The following ZNF560 variants were observed in gnomAD, a reference collection of about 807,000 sequenced individuals.
The protein encoded by ZNF560 is zinc finger protein 560.
Under a neutral mutation model 81.8 loss-of-function variants are expected in ZNF560, and 54 were observed. The ratio of observed to expected loss-of-function variants is 0.66; its 90% CI spans 0.53 to 0.83. The LOEUF (loss-of-function observed/expected upper bound fraction) is 0.83. ZNF560 is among the 40% of genes least tolerant of loss of function. The pLI is 0.00. For missense variants in ZNF560, 940 were observed against 932.4 expected (o/e 1.01, Z -0.11); for synonymous variants, 321 against 317.9 (o/e 1.01, Z -0.10).
chr19:9,446,088 C>T, the ZNF560 span, among the ~76,000 whole-genome samples: 1 of 152,112 alleles, frequency 6.6e-6, no homozygotes, highest in Non-Finnish European at 1.5e-5. Flanking sequence ...AGGGCTTCTT[C>T]TGGAACTCTC....
At chr19:9,479,584 G>GAGT (rs1434172747) in intron 2 of ZNF560, among the ~76,000 whole-genome samples, 2 of 152,070 alleles carry the variant, frequency 1.3e-5, no homozygotes, top group African/African-American at 4.8e-5. Context: ...CTGAATTCAT[G>GAGT]AGTACCACAT....
At chr19:9,469,509 C>T (rs984229452) in intron 8 of ZNF560, 121 bp downstream of exon 8, 6 of 862,508 alleles carry the variant, frequency 7.0e-6, no homozygotes, top group Non-Finnish European at 1.1e-5. Context: ...TAAGATATCC[C>T]AAAACATCCA....
the ZNF560 span, among the ~76,000 whole-genome samples, chr19:9,454,915 C>A: frequency 6.6e-6 from 1 of 152,016 alleles, no homozygotes; most frequent in South Asian, 2.1e-4. Flanking sequence ...CTTAAAGAGA[C>A]CCAAGAAGGG....
Position 9,473,280 on chromosome 19 carries a change from C to G in ZNF560, c.158-21G>C, listed in dbSNP as rs140515234. 102 of 1,586,248 alleles carry G rather than the reference C, an allele frequency of 6.4e-5. No individual in the cohort carries two copies. In the African/African-American group the frequency reaches 1.2e-3, roughly 19 times the overall value. On this transcript the variant is annotated intron_variant, in intron 4 of 9. Transcript: ENST00000301480. ...AAATCCTTTACATGAAGAAATGATACATTAATGGAAGAGGCTCAGGCCAGG... is the reference window on the plus strand; with the variant it reads ...AAATCCTTTACATGAAGAAATGATAGATTAATGGAAGAGGCTCAGGCCAGG...
rs1470968974 is a variant in ZNF560, at chr19:9,491,805, G to A, written c.-57+6323C>T. Among the ~76,000 whole-genome samples, 9 of 95,336 alleles carry A rather than the reference G, an allele frequency of 9.4e-5. No individual in the cohort carries two copies. The South Asian group carries it at 2.4e-3, about 26-fold the overall frequency. 62.5% of individuals were successfully genotyped at this position (95,336 alleles called of 152,430 possible). ...CCTGCCACTGCACTCCAGCCTGGGCGACAGAGCGAGACTCCGTCTCAAAAA... is the reference window on the plus strand; with the variant it reads ...CCTGCCACTGCACTCCAGCCTGGGCAACAGAGCGAGACTCCGTCTCAAAAA... On this transcript the variant is annotated intron_variant, in intron 2 of 9. Coordinates refer to ENST00000301480, the MANE Select transcript of ZNF560 (RefSeq NM_152476.3).
chr19:9,466,789 C>G lies in ZNF560; in HGVS notation c.2158G>C (p.Ala720Pro), dbSNP rs549580362. The G allele has an allele frequency of 6.2e-6, 10 of 1,614,112 alleles. No individual in the cohort carries two copies. The East Asian group carries it at 2.2e-4, about 36-fold the overall frequency. The change falls in exon 10 of 10, where the codon GCC becomes CCC. Residue 720 changes from alanine to proline, a missense_variant. Coordinates refer to ENST00000301480, the MANE Select transcript of ZNF560 (RefSeq NM_152476.3). Reference protein sequence around the residue: ...KPYKCKDCGKAFTCHSDLTNH... With the variant: ...KPYKCKDCGKPFTCHSDLTNH... Reference sequence around the variant, plus strand: ...GTAAGATCTGAATGACAAGTGAAGGCTTTCCCACAGTCCTTACATTTATAG... The same window carrying G: ...GTAAGATCTGAATGACAAGTGAAGGGTTTCCCACAGTCCTTACATTTATAG...
intron 2 of ZNF560, among the ~76,000 whole-genome samples, chr19:9,496,034 G>A (rs1007206999): frequency 3.3e-5 from 5 of 152,134 alleles, no homozygotes; most frequent in Admixed American, 6.5e-5. Context: ...AAAATTAAAT[G>A]TATATTTGTC....
chr19:9,463,342 A>G, downstream of ZNF560, among the ~76,000 whole-genome samples: 1 of 152,210 alleles, frequency 6.6e-6, no homozygotes, highest in East Asian at 1.9e-4. Flanking sequence ...TTAGTGATAC[A>G]TCACTATTAG....
the ZNF560 span, among the ~76,000 whole-genome samples, chr19:9,450,251 A>G: frequency 1.8e-4 from 27 of 151,382 alleles, no homozygotes; most frequent in Non-Finnish European, 1.2e-4. Context: ...AGATCGCGCT[A>G]TTGCACTCCA....
At chr19:9,481,084 A>C (rs995738805) in intron 2 of ZNF560, among the ~76,000 whole-genome samples, 7,690 of 42,414 alleles carry the variant, frequency 0.18, 391 homozygotes, top group African/African-American at 0.32. Flanking sequence ...GATTATCTGA[A>C]AAAAAAAAAA....
intron 2 of ZNF560, among the ~76,000 whole-genome samples, chr19:9,492,681 G>A (rs566592063): frequency 6.6e-6 from 1 of 152,334 alleles, no homozygotes; most frequent in South Asian, 2.1e-4. Context: ...GGCCAACTGG[G>A]AGACAACCTC....
chr19:9,482,669 G>A (rs1343840267), intron 2 of ZNF560, among the ~76,000 whole-genome samples: 4 of 51,032 alleles, frequency 7.8e-5, no homozygotes, highest in East Asian at 1.1e-3. Context: ...CTCTCCCCAC[G>A]GTCTCCCTCT....
At chr19:9,475,123 T>G (rs1320049132) in intron 3 of ZNF560, among the ~76,000 whole-genome samples, 161 bp downstream of exon 3, 1 of 152,174 alleles carries the variant, frequency 6.6e-6, no homozygotes, top group South Asian at 2.1e-4. Flanking sequence ...ATTATCAGTA[T>G]GAGAACCTCC....
chr19:9,448,237 T>G, the ZNF560 span, among the ~76,000 whole-genome samples: 13 of 151,414 alleles, frequency 8.6e-5, no homozygotes, highest in East Asian at 5.8e-4. Flanking sequence ...GCGGGGGGTT[T>G]GTTTGTTTGT....
chr19:9,506,149 C>T, the ZNF560 span, among the ~76,000 whole-genome samples: 102 of 150,568 alleles, frequency 6.8e-4, no homozygotes, highest in African/African-American at 1.9e-3. Flanking sequence ...CGCACCACCA[C>T]GCCTGGGTGA....
At chr19:9,500,292 G>A (rs971561120), upstream of ZNF560, among the ~76,000 whole-genome samples, 14 of 151,534 alleles carry the variant, frequency 9.2e-5, no homozygotes, top group African/African-American at 3.4e-4. Flanking sequence ...GGCTGAGGCA[G>A]GAGAATCACT....
chr19:9,484,297 A>T (rs2144714131), intron 2 of ZNF560, among the ~76,000 whole-genome samples: 1 of 152,146 alleles, frequency 6.6e-6, no homozygotes, highest in East Asian at 1.9e-4. Context: ...ATTAAAAAAA[A>T]AAAAAAGAAA....
the ZNF560 span, among the ~76,000 whole-genome samples, chr19:9,448,762 T>C: frequency 6.6e-6 from 1 of 152,048 alleles, no homozygotes; most frequent in South Asian, 2.1e-4. Context: ...GCAATCTGGA[T>C]AAAAACGACA....
the ZNF560 span, among the ~76,000 whole-genome samples, chr19:9,446,221 T>C: frequency 6.6e-6 from 1 of 152,078 alleles, no homozygotes; most frequent in African/African-American, 2.4e-5. Flanking sequence ...CGCTGATTTT[T>C]TTTTCCATCT....
Sources: allele counts gnomAD v4.1 joint callset (sites outside exome capture counted in the v4.1 genomes callset), GRCh38; gene constraint gnomAD v4.1.1; transcripts MANE v1.5; gene names NCBI Gene and HGNC (gene_info 2026-07-23, HGNC 2026-07-21).